COL16A1: variants seen among roughly 807,000 people sequenced by gnomAD.
COL16A1 encodes collagen alpha-1(XVI) chain.
COL16A1 carries 189 observed loss-of-function variants against 266.3 expected under a neutral mutation model. The ratio of observed to expected loss-of-function variants is 0.71; its 90% CI spans 0.63 to 0.80. COL16A1 has a LOEUF of 0.80. Among genes scored for constraint, COL16A1 ranks in the 30% least tolerant of loss-of-function variants. The pLI is 0.00. For missense variants in COL16A1, 1,928 were observed against 2,122.4 expected (o/e 0.91, Z 1.80); for synonymous variants, 740 against 782.3 (o/e 0.95, Z 0.90).
intron 21 of COL16A1, 59 bp downstream of exon 21, chr1:31,690,470 C>G: frequency 1.2e-6 from 2 of 1,614,158 alleles, no homozygotes; most frequent in South Asian, 2.2e-5. Flanking sequence ...AGGACCTAGC[C>G]CCTCCCTCCA....
chr1:31,688,708 G>A lies in COL16A1; in HGVS notation c.1767+153C>T, dbSNP rs760560156. The A allele has an allele frequency of 2.5e-4, 264 of 1,052,650 alleles. No individual in the cohort carries two copies. The highest frequency in any genetic ancestry group is 3.4e-4 in the Non-Finnish European group (241 of 712,086). The allele number at this position is 1,052,650 out of a possible 1,614,324, so 65.2% of individuals were successfully genotyped here. A position where few individuals can be genotyped will look rare whatever the true frequency, so the allele number is the denominator to read the frequency against. On this transcript the variant is annotated intron_variant, in intron 25 of 70. Transcript: ENST00000373672. The surrounding 1 kb of genome is among the most constrained non-coding windows in gnomAD (Gnocchi z 4.9). ...AAGGAGCCTGGGGCAGCACAGGGAC[G>A]GAGGGAGGGACCAGGAGACAGGCCT...
intron 17 of COL16A1, 89 bp from the exon 18 acceptor site, chr1:31,691,731 C>T (rs1310661968): frequency 5.7e-5 from 83 of 1,467,402 alleles, no homozygotes; most frequent in Non-Finnish European, 7.5e-5. Flanking sequence ...CTGTCCCACC[C>T]TCCCTGCCCC....
At chr1:31,679,354 G>T in intron 42 of COL16A1, 1 of 1,462,376 alleles carries the variant, frequency 6.8e-7, no homozygotes, top group Non-Finnish European at 9.1e-7. Flanking sequence ...GCCGGGCTCT[G>T]TACCAGGGTA....
chr1:31,685,719 C>T lies in COL16A1; in HGVS notation c.1936G>A (p.Val646Ile), dbSNP rs1420505927. 3 of 1,614,032 alleles carry T rather than the reference C, an allele frequency of 1.9e-6. No homozygotes were observed. The highest frequency in any genetic ancestry group is 2.2e-5 in the South Asian group (2 of 91,084). Residue 646 changes from valine to isoleucine, a missense_variant, in exon 29 of 71, where the codon GTC becomes ATC. Around this residue, in one of 2 missense-constraint regions of COL16A1, gnomAD observed 1,552 missense variants for 1,637.2 expected, o/e 0.95. Coordinates refer to ENST00000373672, the MANE Select transcript of COL16A1 (RefSeq NM_001856.4). The surrounding 1 kb of genome is among the most constrained non-coding windows in gnomAD (Gnocchi z 4.0). ...GGGCCAGGCAAGGCCACCACACGGA[C>T]ATCCCCATCCTGAAGGTTGGACAGG... ...PALSNLQDGD[V>I]RVVALPGPSG... is the part of the protein sequence containing the mutation.
intron 1 of COL16A1, 67 bp from the exon 2 acceptor site, chr1:31,702,294 A>T: frequency 6.6e-7 from 1 of 1,524,396 alleles, no homozygotes; most frequent in East Asian, 2.4e-5. Context: ...CACGTGGGCA[A>T]GTCGTGGACA....
At chr1:31,693,251 C>A (rs1226584660) in intron 12 of COL16A1, 97 bp from the exon 13 acceptor site, 10 of 781,068 alleles carry the variant, frequency 1.3e-5, no homozygotes, top group Non-Finnish European at 2.3e-5. Flanking sequence ...CCCATCCCCC[C>A]ACACACGGGT....
intron 62 of COL16A1, chr1:31,659,813 C>G (rs935449790): frequency 6.6e-6 from 1 of 152,154 alleles, no homozygotes; most frequent in African/African-American, 2.4e-5. Flanking sequence ...CCTACTGAGT[C>G]TCCAATGGGG....
chr1:31,680,851 G>T lies in COL16A1; in HGVS notation c.2610+54C>A, dbSNP rs1321058609. ...CAGAGTACGGGTCACAGGTGGGAAG[G>T]CTGGAGGGGCTGCTAATCCCCTAGA... On this transcript the variant is annotated intron_variant, in intron 39 of 70. Coordinates refer to ENST00000373672, the MANE Select transcript of COL16A1 (RefSeq NM_001856.4). 1.5e-5 allele frequency: 24 copies of T among 1,613,484 alleles called. 1 individual carries two copies. The highest frequency in any genetic ancestry group is 1.9e-5 in the Non-Finnish European group (23 of 1,179,770).
At chr1:31,654,972 T>TA in intron 67 of COL16A1, 114 bp from the exon 68 acceptor site, 4 of 69,556 alleles carry the variant, frequency 5.8e-5, no homozygotes, top group Non-Finnish European at 7.7e-5. Flanking sequence ...CCACAGATTC[T>TA]TTTTTTTTTT....
Position 31,652,767 on chromosome 1 carries a change from C to G in COL16A1, c.4699G>C (p.Gly1567Arg), listed in dbSNP as rs1474348002. 4 of 1,600,660 alleles carry G rather than the reference C, an allele frequency of 2.5e-6. No individual in the cohort carries two copies. The highest frequency in any genetic ancestry group is 3.4e-6 in the Non-Finnish European group (4 of 1,176,182). ...QGIPGIPGPP[G>R]PMGQPGKAGH... The stretch of plus-strand genomic sequence containing the variant: ...GCCTTGCCTGGCTGGCCCATGGGAC[C>G]CGGGGGCCCAGGGATGCCAGGGATG... Residue 1567 changes from glycine to arginine, a missense_variant, in exon 71 of 71, where the codon GGT becomes CGT. Physicochemically the swap from Gly to Arg is moderately radical, Grantham distance 125. Transcript: ENST00000373672. The surrounding 1 kb of genome is among the most constrained non-coding windows in gnomAD (Gnocchi z 4.8).
chr1:31,692,803 A>G lies in COL16A1; in HGVS notation c.1077T>C (p.Asn359=). The change falls in exon 14 of 71, where the codon AAT becomes AAC. Residue 359 remains asparagine, a synonymous_variant. Coordinates refer to ENST00000373672, the MANE Select transcript of COL16A1 (RefSeq NM_001856.4). ...CATCCGGGGAGATTCGAACACAGTC[A>G]TTGCCCTGGGAGTAGGGAACAAGGG... ...GSKGEKGARG[N]DCVRISPDAP... is the part of the protein sequence containing the mutation. 6.2e-7 allele frequency: 1 copy of G among 1,613,788 alleles called. No homozygotes were observed. Among genetic ancestry groups the G allele is most frequent in the East Asian group, 2.2e-5 (1 of 44,880 alleles).
chr1:31,691,717 C>T (rs1241300884), intron 17 of COL16A1, 75 bp from the exon 18 acceptor site: 3 of 1,528,046 alleles, frequency 2.0e-6, no homozygotes, highest in African/African-American at 1.4e-5. Flanking sequence ...AGGTGAATGC[C>T]CACCTGTCCC....
In COL16A1 at chr1:31,688,708, G is replaced by T; in HGVS notation, c.1767+153C>A. The T allele has an allele frequency of 9.5e-7, 1 of 1,052,648 alleles. No homozygotes were observed. The highest frequency in any genetic ancestry group is 1.4e-6 in the Non-Finnish European group (1 of 712,084). 65.2% of individuals were successfully genotyped at this position (1,052,648 alleles called of 1,614,324 possible). On this transcript the variant is annotated intron_variant, in intron 25 of 70. Coordinates refer to ENST00000373672, the MANE Select transcript of COL16A1 (RefSeq NM_001856.4). This position sits in a 1 kb window ranked among gnomAD's most constrained non-coding sequence, Gnocchi z 4.9. ...AAGGAGCCTGGGGCAGCACAGGGACGGAGGGAGGGACCAGGAGACAGGCCT... is the reference window on the plus strand; with the variant it reads ...AAGGAGCCTGGGGCAGCACAGGGACTGAGGGAGGGACCAGGAGACAGGCCT...
chr1:31,665,847 T>C (rs769024885), intron 54 of COL16A1, 35 bp downstream of exon 54: 1 of 1,614,076 alleles, frequency 6.2e-7, no homozygotes, highest in East Asian at 2.2e-5. Context: ...GCTCCTTCCC[T>C]GCCTCCCTGC....
Position 31,652,710 on chromosome 1 carries a change from C to G in COL16A1, c.4756G>C (p.Ala1586Pro). 6.2e-7 allele frequency: 1 copy of G among 1,607,700 alleles called. No individual in the cohort carries two copies. The highest frequency in any genetic ancestry group is 8.5e-7 in the Non-Finnish European group (1 of 1,178,110). ...GGGTACTGCTGCTCCATCGGCATGG[C>G]CCCAAAGCAGTCAGAGGGATTACAG... The part of the protein sequence containing the change: ...GHCNPSDCFG[A>P]MPMEQQYPPM... Residue 1586 changes from alanine to proline, a missense_variant, in exon 71 of 71, where the codon GCC (alanine) becomes CCC (proline). By Grantham distance (27) the Ala-to-Pro change is conservative. Coordinates refer to ENST00000373672, the MANE Select transcript of COL16A1 (RefSeq NM_001856.4). The surrounding 1 kb of genome is among the most constrained non-coding windows in gnomAD (Gnocchi z 4.8).
intron 37 of COL16A1, 103 bp from the exon 38 acceptor site, chr1:31,681,170 T>C: frequency 6.9e-7 from 1 of 1,457,562 alleles, no homozygotes. Context: ...CAGCGCCAGG[T>C]TCCCCTGGAG....
At position 31,656,841 on chromosome 1, in the gene COL16A1, G is replaced by T; in HGVS notation, c.4056+192C>A. On this transcript the variant is annotated intron_variant, in intron 65 of 70. Coordinates refer to ENST00000373672, the MANE Select transcript of COL16A1 (RefSeq NM_001856.4). This position sits in a 1 kb window ranked among gnomAD's most constrained non-coding sequence, Gnocchi z 4.2. The stretch of plus-strand genomic sequence containing the variant: ...CAGGGTTTAAAAAAAAAAAAAAAAA[G>T]GTAAAACAAATCTCACTCCCATCCT... The T allele has an allele frequency of 1.0e-5, 6 of 578,904 alleles. No homozygotes were observed. Among genetic ancestry groups the T allele is most frequent in the Non-Finnish European group, 1.7e-5 (6 of 349,290 alleles). 35.9% of individuals were successfully genotyped at this position (578,904 alleles called of 1,614,324 possible). A position where few individuals can be genotyped will look rare whatever the true frequency, so the allele number is the denominator to read the frequency against.
Position 31,698,006 on chromosome 1 carries a change from C to T in COL16A1, c.557G>A (p.Cys186Tyr), listed in dbSNP as rs897789104. 7.4e-6 allele frequency: 12 copies of T among 1,613,564 alleles called. No homozygotes were observed. Among genetic ancestry groups the T allele is most frequent in the Non-Finnish European group, 9.3e-6 (11 of 1,180,040 alleles). ...CAGAGGCTGGGAGGAGGCTGAGCTG[C>T]AGTCCACGTGCACAGAGGCCACACG... is the stretch of plus-strand genomic sequence containing the variant. ...AGRVASVHVD[C>Y]SSASSQPLGP... The change falls in exon 6 of 71, where the codon TGC becomes TAC. Residue 186 changes from cysteine (C) to tyrosine (Y), a missense_variant. Physicochemically the swap from Cys to Tyr is radical, Grantham distance 194 (BLOSUM62 -2). This residue lies in a region of COL16A1 where 1,552 missense variants were observed against 1,637.2 expected (regional missense o/e 0.95). Coordinates refer to ENST00000373672, the MANE Select transcript of COL16A1 (RefSeq NM_001856.4). The surrounding 1 kb of genome is among the most constrained non-coding windows in gnomAD (Gnocchi z 4.1).
rs756585873 is a variant in COL16A1, at chr1:31,692,793, G to A, written c.1087C>T (p.Arg363Ter). 5 of 1,613,808 alleles carry A rather than the reference G, an allele frequency of 3.1e-6. No individual in the cohort carries two copies. The highest frequency in any genetic ancestry group is 3.3e-5 in the Admixed American group (2 of 60,026). Residue 363 changes from arginine to a stop codon, truncating the protein, a stop_gained, in exon 14 of 71, where the codon CGA becomes TGA. Transcript: ENST00000373672. LOFTEE classifies it high-confidence loss of function. ...EKGARGNDCV[R>*]ISPDAPLQCA... is the part of the protein sequence containing the mutation. ...TGAAGTGGGGCATCCGGGGAGATTC[G>A]AACACAGTCATTGCCCTGGGAGTAG...
Sources: allele counts gnomAD v4.1 joint callset, GRCh38; gene constraint gnomAD v4.1.1; regional missense constraint gnomAD v4.1.1; non-coding constraint Gnocchi (gnomAD v3.1); transcripts MANE v1.5; gene names NCBI Gene and HGNC (gene_info 2026-07-23, HGNC 2026-07-21).